KCNMA1: variants seen among roughly 807,000 people sequenced by gnomAD.
KCNMA1 encodes the protein Calcium-activated potassium channel subunit alpha-1.
KCNMA1 carries 29 observed loss-of-function variants against 140.0 expected under a neutral mutation model. The ratio of observed to expected loss-of-function variants is 0.21; its 90% CI spans 0.15 to 0.28. The LOEUF is 0.28. KCNMA1 is among the 10% of genes least tolerant of loss of function. The pLI is 1.00. For missense variants in KCNMA1, 880 were observed against 1,602.2 expected, an observed-to-expected ratio of 0.55 and a Z score of 7.70; for synonymous variants, 612 against 611.9, an observed-to-expected ratio of 1.00 and a Z score of 0.00.
Position 77,205,375 on chromosome 10 carries a change from C to T in KCNMA1, c.603-20459G>A, listed in dbSNP as rs1293138029. 5.3e-5 allele frequency among the ~76,000 whole-genome samples: 8 copies of T among 152,200 alleles called. No individual in the cohort carries two copies. In the East Asian group the frequency reaches 1.5e-3, roughly 29 times the overall value. On this transcript the variant is annotated intron_variant, in intron 3 of 27. Coordinates refer to ENST00000286628, the MANE Select transcript of KCNMA1 (RefSeq NM_001161352.2). ...ATGTTTCTCTTGCTGATTCATTTCT[C>T]CAGGAAGCCAACCCAAGGAATCAGG...
intron 18 of KCNMA1, among the ~76,000 whole-genome samples, chr10:77,006,449 G>A (rs752490221): frequency 2.0e-5 from 3 of 152,126 alleles, no homozygotes; most frequent in African/African-American, 4.8e-5. Flanking sequence ...AAATATCCAC[G>A]GAAGAAAAAG....
intron 5 of KCNMA1, among the ~76,000 whole-genome samples, chr10:77,170,072 TCC>T (rs1388667069): frequency 2.6e-5 from 4 of 152,144 alleles, no homozygotes; most frequent in Non-Finnish European, 5.9e-5. Context: ...GCACCTGTAA[TCC>T]CAGCTACTTG....
chr10:77,293,357 G>C lies in KCNMA1; in HGVS notation c.541-42101C>G, dbSNP rs560874103. ...CTAATGAGTTTGCACAACAAGAATG[G>C]GGGGGACAACCATAGCTCCTAAAGC... is the stretch of plus-strand genomic sequence containing the variant. On this transcript the variant is annotated intron_variant, in intron 2 of 27. Transcript: ENST00000286628. Among the ~76,000 whole-genome samples, 5 of 152,248 alleles carry C rather than the reference G, an allele frequency of 3.3e-5. No homozygotes were observed. The South Asian group carries it at 6.2e-4, about 19-fold the overall frequency.
At chr10:77,508,619 T>C (rs1163988481) in intron 1 of KCNMA1, among the ~76,000 whole-genome samples, 1 of 137,876 alleles carries the variant, frequency 7.3e-6, no homozygotes, top group African/African-American at 2.8e-5. Context: ...TCTCTCCCTC[T>C]CTCTCTCTTT....
intron 2 of KCNMA1, among the ~76,000 whole-genome samples, chr10:77,296,265 T>C (rs2075078605): frequency 6.6e-6 from 1 of 151,958 alleles, no homozygotes; most frequent in African/African-American, 2.4e-5. Flanking sequence ...TAAGAAGTGA[T>C]GTGAGGAAGG....
intron 2 of KCNMA1, among the ~76,000 whole-genome samples, chr10:77,333,894 A>G (rs2087711516): frequency 1.3e-5 from 2 of 152,218 alleles, no homozygotes; most frequent in Admixed American, 1.3e-4. Flanking sequence ...GGTGAAACCC[A>G]CTTCCTTGTC....
rs541085723 is a variant in KCNMA1, at chr10:76,993,663, C to G, written c.2266+7744G>C. ...GGCTTCCAGCTCCCCTCTAGTCAGTCCCTTCCTCCCCTGCAGCCACAGCAG... is the reference window on the plus strand; with the variant it reads ...GGCTTCCAGCTCCCCTCTAGTCAGTGCCTTCCTCCCCTGCAGCCACAGCAG... On this transcript the variant is annotated intron_variant, in intron 19 of 27. Transcript: ENST00000286628. Among the ~76,000 whole-genome samples the G allele has an allele frequency of 3.8e-4, 58 of 152,328 alleles. 1 individual carries two copies. The South Asian group carries it at 7.7e-3, about 20-fold the overall frequency.
At chr10:77,509,799 C>T (rs370914632) in intron 1 of KCNMA1, among the ~76,000 whole-genome samples, 7 of 152,258 alleles carry the variant, frequency 4.6e-5, no homozygotes, top group African/African-American at 1.7e-4. Flanking sequence ...TAAAACTGTG[C>T]TAGGGAATGG....
At chr10:77,614,976 G>A (rs528937168) in intron 1 of KCNMA1, among the ~76,000 whole-genome samples, 12 of 152,266 alleles carry the variant, frequency 7.9e-5, no homozygotes, top group East Asian at 1.9e-4. Context: ...AAGAAGACCC[G>A]GAAGTCTTCA....
chr10:77,143,322 T>C (rs1262367453), intron 5 of KCNMA1, among the ~76,000 whole-genome samples: 3 of 152,068 alleles, frequency 2.0e-5, no homozygotes, highest in Admixed American at 1.3e-4. Flanking sequence ...AAAAGACAAA[T>C]CATATGATCA....
intron 20 of KCNMA1, among the ~76,000 whole-genome samples, chr10:76,965,392 C>T (rs2073478684): frequency 6.6e-6 from 1 of 152,186 alleles, no homozygotes; most frequent in African/African-American, 2.4e-5. Flanking sequence ...CCTTCTATTT[C>T]ACACCTCTGT....
intron 3 of KCNMA1, among the ~76,000 whole-genome samples, chr10:77,203,693 A>C (rs576339174): frequency 1.0e-3 from 156 of 152,270 alleles, no homozygotes; most frequent in South Asian, 2.1e-3. Flanking sequence ...TTGAGGGAGA[A>C]AATAGACAAA....
chr10:77,543,545 G>A (rs2060682635), intron 1 of KCNMA1, among the ~76,000 whole-genome samples: 1 of 152,038 alleles, frequency 6.6e-6, no homozygotes, highest in Admixed American at 6.6e-5. Context: ...CATAACCAAA[G>A]AAACAAAGAA....
chr10:77,247,545 T>C (rs1362203156), intron 3 of KCNMA1, among the ~76,000 whole-genome samples: 1 of 152,186 alleles, frequency 6.6e-6, no homozygotes, highest in Non-Finnish European at 1.5e-5. Context: ...GATCAGAATA[T>C]GTGGGAGGAC....
At chr10:77,080,716 G>C (rs555975881) in intron 12 of KCNMA1, among the ~76,000 whole-genome samples, 2 of 152,092 alleles carry the variant, frequency 1.3e-5, no homozygotes, top group Non-Finnish European at 2.9e-5. Context: ...CATCGAAAGC[G>C]AGCCCAAATC....
chr10:76,928,272 C>G (rs1436108311), intron 23 of KCNMA1, among the ~76,000 whole-genome samples: 5 of 141,470 alleles, frequency 3.5e-5, no homozygotes, highest in African/African-American at 1.3e-4. Flanking sequence ...CACACACACA[C>G]ACACGAACAC....
intron 23 of KCNMA1, among the ~76,000 whole-genome samples, chr10:76,918,891 T>TAC (rs1564902528): frequency 2.7e-5 from 4 of 149,690 alleles, no homozygotes; most frequent in East Asian, 2.0e-4. Context: ...TATATATATA[T>TAC]ATACACACAC....
At chr10:77,313,816 G>A (rs565514253) in intron 2 of KCNMA1, 55 of 152,316 alleles carry the variant, frequency 3.6e-4, no homozygotes, top group Non-Finnish European at 6.9e-4. Context: ...AACTTTATCT[G>A]TGAGCCTGCT....
intron 14 of KCNMA1, among the ~76,000 whole-genome samples, chr10:77,052,799 A>T (rs537661119): frequency 6.6e-6 from 1 of 152,142 alleles, no homozygotes; most frequent in Non-Finnish European, 1.5e-5. Flanking sequence ...ATACTCAGCA[A>T]AAGAAAAGTT....
Sources: gnomAD v4.1 joint callset for allele counts (sites outside exome capture counted in the v4.1 genomes callset) on GRCh38, gnomAD v4.1.1 for gene constraint, MANE v1.5 for transcripts, NCBI Gene and HGNC (gene_info 2026-07-23, HGNC 2026-07-21) for gene names.